The following SCIMP variants were observed in gnomAD, a reference collection of about 807,000 sequenced individuals.
SCIMP encodes SLP adaptor and CSK interacting membrane protein.
In SCIMP, 18 loss-of-function variants were observed where a neutral mutation model predicts 22.0. The ratio of observed to expected loss-of-function variants is 0.82; its 90% confidence interval spans 0.56 to 1.21. The LOEUF (loss-of-function observed/expected upper bound fraction) is 1.21, where lower values mean the gene tolerates loss of function less well. SCIMP is among the 50% of genes most tolerant of loss of function. SCIMP has a pLI of 0.00. For missense variants in SCIMP, 155 were observed against 171.2 expected, an observed-to-expected ratio of 0.91 and a Z score of 0.53; for synonymous variants, 53 against 62.2, an observed-to-expected ratio of 0.85 and a Z score of 0.70.
At chr17:5,225,774 A>C (rs2074643709) in intron 1 of SCIMP, among the ~76,000 whole-genome samples, 1 of 151,834 alleles carries the variant, frequency 6.6e-6, no homozygotes, top group Admixed American at 6.6e-5. Context: ...AAAAAAAAAA[A>C]AAACACCGAT....
At chr17:5,223,734 G>T in intron 1 of SCIMP, 1 of 373,130 alleles carries the variant, frequency 2.7e-6, no homozygotes, top group Non-Finnish European at 5.1e-6. Context: ...ATTTTTAGTA[G>T]AGATGGGGTT....
chr17:5,224,439 T>G (rs1326192924), intron 1 of SCIMP, among the ~76,000 whole-genome samples: 2 of 62,430 alleles, frequency 3.2e-5, no homozygotes, highest in Non-Finnish European at 6.8e-5. Flanking sequence ...ACCAGGCCAG[T>G]TTTTTTGTTT....
chr17:5,234,648 C>A (rs1479530927), intron 1 of SCIMP, 87 bp downstream of exon 1: 71 of 1,429,620 alleles, frequency 5.0e-5, no homozygotes, highest in Non-Finnish European at 6.0e-5. Flanking sequence ...ATCGGTGGCT[C>A]CCAGGGACAC....
chr17:5,233,497 C>T lies in SCIMP; in HGVS notation c.21+1238G>A, dbSNP rs893922375. Among the ~76,000 whole-genome samples the T allele has an allele frequency of 4.6e-5, 7 of 152,248 alleles. No homozygotes were observed. The South Asian group carries it at 6.2e-4, about 14-fold the overall frequency. Reference sequence around the variant, plus strand: ...AAACGATTCTCCTGCCTCAGCTTCCCGAGTAGCTGGGGCTATAGGCGCCCA... The same window carrying T: ...AAACGATTCTCCTGCCTCAGCTTCCTGAGTAGCTGGGGCTATAGGCGCCCA... On this transcript the variant is annotated intron_variant, in intron 1 of 4. Transcript: ENST00000574081.
In SCIMP at chr17:5,234,786, G is replaced by A. The variant is rs747008534; in HGVS notation, c.-31C>T. ...AGCAGCTAAGGAGACAGCAGTGGCTGGAGTGCTGCAGCTCAGGCACAGCTG... is the reference window on the plus strand; with the variant it reads ...AGCAGCTAAGGAGACAGCAGTGGCTAGAGTGCTGCAGCTCAGGCACAGCTG... On this transcript the variant is annotated 5_prime_UTR_variant, in exon 1 of 5. Coordinates refer to ENST00000574081, the MANE Select transcript of SCIMP (RefSeq NM_207103.3). 34 of 1,602,890 alleles carry A rather than the reference G, an allele frequency of 2.1e-5. No individual in the cohort carries two copies. The highest frequency in any genetic ancestry group is 3.3e-4 in the Middle Eastern group (2 of 5,978).
chr17:5,231,792 C>T (rs1207778058), intron 1 of SCIMP, among the ~76,000 whole-genome samples: 6 of 152,192 alleles, frequency 3.9e-5, no homozygotes, highest in Non-Finnish European at 7.3e-5. Flanking sequence ...CGGTGGCTCA[C>T]GCCTGTAATC....
intron 1 of SCIMP, among the ~76,000 whole-genome samples, chr17:5,225,955 C>A (rs2074645287): frequency 2.0e-5 from 3 of 152,072 alleles, no homozygotes; most frequent in Non-Finnish European, 4.4e-5. Flanking sequence ...TTGGAGAACA[C>A]CCAGCTGGTG....
chr17:5,232,041 G>C (rs2074701382), intron 1 of SCIMP, among the ~76,000 whole-genome samples: 1 of 148,746 alleles, frequency 6.7e-6, no homozygotes, highest in Non-Finnish European at 1.5e-5. Context: ...GGGCGACAGA[G>C]CGAGACTCCG....
intron 1 of SCIMP, among the ~76,000 whole-genome samples, chr17:5,229,538 C>T (rs532986186): frequency 2.0e-5 from 3 of 151,646 alleles, no homozygotes; most frequent in South Asian, 4.2e-4. Flanking sequence ...GGACTACAGT[C>T]GCACGCCACC....
At chr17:5,227,538 C>T (rs1355323079) in intron 1 of SCIMP, among the ~76,000 whole-genome samples, 1 of 152,062 alleles carries the variant, frequency 6.6e-6, no homozygotes, top group Non-Finnish European at 1.5e-5. Flanking sequence ...CAAAAGGGAA[C>T]AAGGATTAGA....
At chr17:5,217,047 CG>C (rs1396916642) in intron 3 of SCIMP, among the ~76,000 whole-genome samples, 7 of 152,076 alleles carry the variant, frequency 4.6e-5, no homozygotes, top group Admixed American at 2.0e-4. Flanking sequence ...TGAGTGCAGA[CG>C]GGGACATGGG....
chr17:5,214,017 C>T (rs1016777279), intron 4 of SCIMP: 2 of 152,162 alleles, frequency 1.3e-5, no homozygotes, highest in African/African-American at 4.8e-5. Context: ...AGAAGAAACA[C>T]CAGAAATCTG....
chr17:5,229,001 C>G (rs2074673222), intron 1 of SCIMP, among the ~76,000 whole-genome samples: 3 of 152,148 alleles, frequency 2.0e-5, no homozygotes, highest in Non-Finnish European at 4.4e-5. Context: ...ATTCCAAAGC[C>G]TCATCTGGAC....
At chr17:5,232,004 C>T (rs375115737) in intron 1 of SCIMP, among the ~76,000 whole-genome samples, 2 of 151,864 alleles carry the variant, frequency 1.3e-5, no homozygotes, top group Non-Finnish European at 2.9e-5. Context: ...TGCAGTGAGC[C>T]GAGATTGCGC....
Position 5,210,708 on chromosome 17 carries a change from C to A in SCIMP, c.*93G>T, listed in dbSNP as rs2074519977. 2.0e-6 allele frequency: 3 copies of A among 1,498,870 alleles called. No individual in the cohort carries two copies. Among genetic ancestry groups the A allele is most frequent in the South Asian group, 1.4e-5 (1 of 73,242 alleles). The allele number at this position is 1,498,870 out of a possible 1,614,324, so 92.8% of individuals were successfully genotyped here. On this transcript the variant is annotated 3_prime_UTR_variant, in exon 5 of 5. Transcript: ENST00000574081. ...TAAAATCACCACTGGCTTTCAGGGC[C>A]CAGAGACCTACTGAAGTTCAACCAT...
At chr17:5,211,784 G>A (rs905724027) in intron 4 of SCIMP, among the ~76,000 whole-genome samples, 2 of 152,142 alleles carry the variant, frequency 1.3e-5, no homozygotes, top group Non-Finnish European at 2.9e-5. Context: ...AGGCTGGGGC[G>A]CGGTGGCTTA....
intron 1 of SCIMP, among the ~76,000 whole-genome samples, chr17:5,229,305 A>G (rs1240514241): frequency 6.6e-6 from 1 of 151,424 alleles, no homozygotes; most frequent in Non-Finnish European, 1.5e-5. Flanking sequence ...TCATTTCTCC[A>G]AAGGGCATTT....
At chr17:5,226,965 G>A (rs1055369506) in intron 1 of SCIMP, among the ~76,000 whole-genome samples, 1 of 152,010 alleles carries the variant, frequency 6.6e-6, no homozygotes, top group African/African-American at 2.4e-5. Flanking sequence ...GGAAGCCCTG[G>A]GGAAGGATGA....
intron 3 of SCIMP, among the ~76,000 whole-genome samples, chr17:5,217,169 C>T (rs1340090203): frequency 5.3e-5 from 8 of 152,132 alleles, no homozygotes; most frequent in Admixed American, 5.2e-4. Context: ...CTCACTTTCT[C>T]CTCCAGAGCT....
Sources: allele counts gnomAD v4.1 joint callset (sites outside exome capture counted in the v4.1 genomes callset), GRCh38; gene constraint gnomAD v4.1.1; transcripts MANE v1.5; gene names NCBI Gene and HGNC (gene_info 2026-07-23, HGNC 2026-07-21).